The following DNAJC6 variants were observed in gnomAD, a reference collection of about 807,000 sequenced individuals.
The protein encoded by DNAJC6 is DnaJ heat shock protein family (Hsp40) member C6.
DNAJC6 carries 34 observed loss-of-function variants against 110.0 expected under a neutral mutation model. The observed-to-expected ratio is 0.31, with a 90% CI of 0.24 to 0.41. The LOEUF (loss-of-function observed/expected upper bound fraction) is 0.41, where lower values mean the gene tolerates loss of function less well. Among genes scored for constraint, DNAJC6 ranks in the 10% least tolerant of loss-of-function variants. The probability of loss-of-function intolerance (pLI) is 1.00; values close to 1 mark genes in which losing one functional copy is unlikely to be tolerated. For missense variants in DNAJC6, 1,031 were observed against 1,207.8 expected (o/e 0.85, Z 2.17); for synonymous variants, 406 against 437.2 (o/e 0.93, Z 0.89).
chr1:65,403,812 T>C (rs1434412912), intron 15 of DNAJC6, among the ~76,000 whole-genome samples: 1 of 152,178 alleles, frequency 6.6e-6, no homozygotes, highest in African/African-American at 2.4e-5. Flanking sequence ...AGGGTAGACA[T>C]CAGAGAGTCC....
At chr1:65,336,916 AC>A (rs777030027) in intron 1 of DNAJC6, among the ~76,000 whole-genome samples, 14 of 152,240 alleles carry the variant, frequency 9.2e-5, no homozygotes, top group Admixed American at 2.0e-4. Context: ...GTTTGTTTGA[AC>A]CAGGATCCAA....
At chr1:65,305,574 A>T (rs945908250), upstream of DNAJC6, among the ~76,000 whole-genome samples, 1 of 152,222 alleles carries the variant, frequency 6.6e-6, no homozygotes, top group African/African-American at 2.4e-5. Flanking sequence ...TCATTAATTC[A>T]GTAGATATTT....
chr1:65,375,009 C>T (rs1165065218), intron 4 of DNAJC6, among the ~76,000 whole-genome samples: 1 of 149,772 alleles, frequency 6.7e-6, no homozygotes, highest in African/African-American at 2.5e-5. Flanking sequence ...TTTGCTGTCA[C>T]CCAGGCTGGA....
Position 65,309,929 on chromosome 1 carries a change from G to C in DNAJC6, c.184G>C (p.Asp62His), listed in dbSNP as rs1457875578. ...GCCTCCGGACCGCGCCAGCACCATG[G>C]ACAGCTCAGGTAGCGCTGCCCGAGG... ...RQPPDRASTM[D>H]SSGASSPDME... Residue 62 changes from aspartate to histidine, a missense_variant, in exon 1 of 19, where the codon GAC becomes CAC. Asp to His is a moderately conservative substitution (Grantham distance 81, BLOSUM62 -1). Coordinates refer to ENST00000371069, the MANE Select transcript of DNAJC6 (RefSeq NM_001256864.2). 2.0e-6 allele frequency: 3 copies of C among 1,500,714 alleles called. No homozygotes were observed. The highest frequency in any genetic ancestry group is 5.4e-5 in the East Asian group (2 of 37,046). The allele number at this position is 1,500,714 out of a possible 1,614,324, so 93.0% of individuals were successfully genotyped here.
At chr1:65,330,346 T>C (rs193182942) in intron 1 of DNAJC6, among the ~76,000 whole-genome samples, 75 of 152,386 alleles carry the variant, frequency 4.9e-4, no homozygotes, top group African/African-American at 1.6e-3. Flanking sequence ...TACCATATTC[T>C]GCCTTTCTTT....
At chr1:65,273,161 A>T (rs1201443494) in intron 1 of DNAJC6, among the ~76,000 whole-genome samples, 1 of 152,056 alleles carries the variant, frequency 6.6e-6, no homozygotes, top group Non-Finnish European at 1.5e-5. Context: ...TCATCTCATG[A>T]GTTCTTGCTT....
chr1:65,409,221 G>A (rs916594277), intron 17 of DNAJC6, among the ~76,000 whole-genome samples: 3 of 152,032 alleles, frequency 2.0e-5, no homozygotes, highest in African/African-American at 7.2e-5. Context: ...AGCAATTTTG[G>A]GGGGACACAT....
intron 1 of DNAJC6, among the ~76,000 whole-genome samples, chr1:65,354,539 T>G (rs1444727904): frequency 6.6e-6 from 1 of 152,220 alleles, no homozygotes; most frequent in African/African-American, 2.4e-5. Context: ...AATCACTTAA[T>G]TCATTCTCCT....
At chr1:65,358,136 A>G (rs1645561574) in intron 1 of DNAJC6, among the ~76,000 whole-genome samples, 1 of 140,402 alleles carries the variant, frequency 7.1e-6, no homozygotes. Context: ...CTGAGATCGC[A>G]CCACTATACT....
intron 1 of DNAJC6, among the ~76,000 whole-genome samples, chr1:65,354,180 T>C (rs1645520679): frequency 6.6e-6 from 1 of 152,116 alleles, no homozygotes; most frequent in African/African-American, 2.4e-5. Flanking sequence ...AGCTGACTGC[T>C]CTGAGTCCTA....
chr1:65,411,903 C>T (rs996381495), intron 18 of DNAJC6, among the ~76,000 whole-genome samples: 2 of 152,006 alleles, frequency 1.3e-5, no homozygotes, highest in African/African-American at 4.8e-5. Flanking sequence ...CCTGGGTGAT[C>T]AAGGCTGCAG....
chr1:65,295,140 A>G (rs1644916961), intron 1 of DNAJC6, among the ~76,000 whole-genome samples: 1 of 152,208 alleles, frequency 6.6e-6, no homozygotes, highest in South Asian at 2.1e-4. Context: ...CTTTGATTAC[A>G]AGTGACAGAG....
At chr1:65,364,322 T>G (rs549813642) in intron 1 of DNAJC6, among the ~76,000 whole-genome samples, 85 of 152,306 alleles carry the variant, frequency 5.6e-4, no homozygotes, top group African/African-American at 1.7e-3. Flanking sequence ...GTGTTTTATA[T>G]TTACTGCACA....
chr1:65,375,160 C>T (rs1164314499), intron 4 of DNAJC6, among the ~76,000 whole-genome samples: 1 of 151,970 alleles, frequency 6.6e-6, no homozygotes, highest in Non-Finnish European at 1.5e-5. Flanking sequence ...GACGGGGTTT[C>T]ACCATGTTGG....
chr1:65,384,141 G>A (rs1645848196), intron 5 of DNAJC6, 52 bp from the exon 6 acceptor site: 2 of 1,366,272 alleles, frequency 1.5e-6, no homozygotes, highest in East Asian at 2.8e-5. Context: ...TTTCAATGGA[G>A]AATGGCTGAT....
chr1:65,338,751 A>T (rs909975160), intron 1 of DNAJC6, among the ~76,000 whole-genome samples: 3 of 152,110 alleles, frequency 2.0e-5, no homozygotes, highest in Non-Finnish European at 4.4e-5. Flanking sequence ...ACATATCTTA[A>T]ATTTCGGATA....
At chr1:65,407,506 CT>C (rs1424761896) in intron 16 of DNAJC6, among the ~76,000 whole-genome samples, 18 of 152,188 alleles carry the variant, frequency 1.2e-4, no homozygotes, top group African/African-American at 4.1e-4. Context: ...AACCCCTGCC[CT>C]TCATTGCTAC....
chr1:65,372,794 G>T (rs1001152498), intron 4 of DNAJC6, among the ~76,000 whole-genome samples: 5 of 152,036 alleles, frequency 3.3e-5, no homozygotes, highest in African/African-American at 4.8e-5. Flanking sequence ...ATGACTAAGC[G>T]TTTCTGTCTG....
intron 1 of DNAJC6, among the ~76,000 whole-genome samples, chr1:65,290,410 T>C (rs1427565540): frequency 6.6e-6 from 1 of 152,252 alleles, no homozygotes; most frequent in African/African-American, 2.4e-5. Flanking sequence ...GAGTACTGTT[T>C]AAGAATTCTG....
Sources: allele counts gnomAD v4.1 joint callset (sites outside exome capture counted in the v4.1 genomes callset), GRCh38; gene constraint gnomAD v4.1.1; transcripts MANE v1.5; gene names NCBI Gene and HGNC (gene_info 2026-07-23, HGNC 2026-07-21).